TRPM2: variants seen among roughly 807,000 people sequenced by gnomAD.
TRPM2 encodes estrogen-responsive element-associated gene 1 protein.
A neutral mutation model predicts 174.0 loss-of-function variants in TRPM2; 161 were observed. That is an observed-to-expected ratio of 0.93 (90% CI 0.81 to 1.05). The LOEUF is 1.05. Among genes scored for constraint, TRPM2 ranks in the 50% least tolerant of loss-of-function variants. The pLI is 0.00. For missense variants in TRPM2, 2,057 were observed against 2,038.0 expected, an observed-to-expected ratio of 1.01 and a Z score of -0.18; for synonymous variants, 954 against 861.3, an observed-to-expected ratio of 1.11 and a Z score of -1.88.
At chr21:44,433,331 C>T (rs2051100775) in intron 27 of TRPM2, among the ~76,000 whole-genome samples, 1 of 152,234 alleles carries the variant, frequency 6.6e-6, no homozygotes, top group African/African-American at 2.4e-5. Context: ...TTGACCAATG[C>T]ACTGCACTCA....
At chr21:44,387,187 A>C (rs1465919550) in intron 9 of TRPM2, among the ~76,000 whole-genome samples, 3 of 152,216 alleles carry the variant, frequency 2.0e-5, no homozygotes, top group Non-Finnish European at 2.9e-5. Flanking sequence ...CCCTGTCTCA[A>C]AAAAATCCCA....
At position 44,375,947 on chromosome 21, in the gene TRPM2, G is replaced by C. The variant is rs559271467; in HGVS notation, c.886G>C (p.Gly296Arg). 3.1e-6 allele frequency: 5 copies of C among 1,614,090 alleles called. No homozygotes were observed. The highest frequency in any genetic ancestry group is 4.2e-6 in the Non-Finnish European group (5 of 1,180,002). ...GGACGACGGGACCCACGGCCAGTAC[G>C]GGGTGGAGATTCCTCTGAGGACCAG... ...LVDDGTHGQYGVEIPLRTRLE... is the reference protein window; with the variant it reads ...LVDDGTHGQYRVEIPLRTRLE... The change falls in exon 6 of 32, where the codon GGG (glycine) becomes CGG (arginine). Residue 296 changes from glycine to arginine, a missense_variant. Physicochemically the swap from Gly to Arg is moderately radical, Grantham distance 125. Transcript: ENST00000397928.
intron 22 of TRPM2, chr21:44,422,191 T>A: frequency 6.8e-7 from 1 of 1,475,654 alleles, no homozygotes; most frequent in Non-Finnish European, 9.0e-7. Context: ...GCTGGGCACC[T>A]GGGAGGCGCA....
rs570071039 is a variant in TRPM2 at position 44,354,039 on chromosome 21, G to A, written c.165+174G>A. On this transcript the variant is annotated intron_variant, in intron 1 of 31. Coordinates refer to ENST00000397928, the MANE Select transcript of TRPM2 (RefSeq NM_003307.4). This position sits in a 1 kb window ranked among gnomAD's most constrained non-coding sequence, Gnocchi z 4.3. ...AACTGGGGAGGGTGATGCGTGTCTC[G>A]TCTTCTGTGGGTTGCATGACCATTT... Among the ~76,000 whole-genome samples, 6 of 152,244 alleles carry A rather than the reference G, an allele frequency of 3.9e-5. No individual in the cohort carries two copies. Among genetic ancestry groups the A allele is most frequent in the South Asian group, 2.1e-4 (1 of 4,830 alleles).
At chr21:44,358,111 G>A (rs955204186) in intron 2 of TRPM2, among the ~76,000 whole-genome samples, 3 of 152,200 alleles carry the variant, frequency 2.0e-5, no homozygotes, top group South Asian at 4.1e-4. Flanking sequence ...CAGACCTGGA[G>A]CCCCTCGACA....
At chr21:44,382,905 T>C (rs1189417962) in intron 9 of TRPM2, 85 bp downstream of exon 9, 7 of 1,333,682 alleles carry the variant, frequency 5.2e-6, no homozygotes, top group Non-Finnish European at 6.3e-6. Context: ...TGAAGTGCCA[T>C]GATTCTGGGA....
rs993798723 is a variant in TRPM2 at position 44,367,588 on chromosome 21, G to A, written c.604+654G>A. On this transcript the variant is annotated intron_variant, in intron 4 of 31. Coordinates refer to ENST00000397928, the MANE Select transcript of TRPM2 (RefSeq NM_003307.4). The surrounding 1 kb of genome is among the most constrained non-coding windows in gnomAD (Gnocchi z 4.6). ...CCCCACCCTAATTCCATGGGGAGGG[G>A]GCCCCAAGTCCTCAAGGCTCCCTGG... Among the ~76,000 whole-genome samples, 3 of 152,178 alleles carry A rather than the reference G, an allele frequency of 2.0e-5. No individual in the cohort carries two copies. Among genetic ancestry groups the A allele is most frequent in the African/African-American group, 7.2e-5 (3 of 41,448 alleles).
rs771461544 is a variant in TRPM2, at chr21:44,432,827, T to C, written c.3975-2304T>C. On this transcript the variant is annotated intron_variant, in intron 27 of 31. Transcript: ENST00000397928. This position sits in a 1 kb window ranked among gnomAD's most constrained non-coding sequence, Gnocchi z 4.9. ...TTCTGGAGCTGAGTGGATGAGTGAA[T>C]GAACGTGTGATTGCTGTAGCCAGAC... Among the ~76,000 whole-genome samples the C allele has an allele frequency of 1.3e-5, 2 of 152,208 alleles. No homozygotes were observed. Among genetic ancestry groups the C allele is most frequent in the African/African-American group, 2.4e-5 (1 of 41,446 alleles).
chr21:44,430,478 G>A lies in TRPM2; in HGVS notation c.3974+3367G>A, dbSNP rs2050982284. ...CGCTCTGTCGCCCAGGCCAGACTGC[G>A]GACTGCAGTGGCGCAATCTCGGCTC... On this transcript the variant is annotated intron_variant, in intron 27 of 31. Coordinates refer to ENST00000397928, the MANE Select transcript of TRPM2 (RefSeq NM_003307.4). 5.4e-4 allele frequency among the ~76,000 whole-genome samples: 4 copies of A among 7,434 alleles called. 2 individuals carry two copies. The South Asian group carries it at 0.014, about 27-fold the overall frequency. The allele number at this position is 7,434 out of a possible 152,430, so 4.9% of individuals were successfully genotyped here.
rs893779432 is a variant in TRPM2 at position 44,366,036 on chromosome 21, G to T, written c.424-718G>T. Among the ~76,000 whole-genome samples, 1 of 152,222 alleles carries T rather than the reference G, an allele frequency of 6.6e-6. No homozygotes were observed. Among genetic ancestry groups the T allele is most frequent in the South Asian group, 2.1e-4 (1 of 4,832 alleles). On this transcript the variant is annotated intron_variant, in intron 3 of 31. Coordinates refer to ENST00000397928, the MANE Select transcript of TRPM2 (RefSeq NM_003307.4). This position sits in a 1 kb window ranked among gnomAD's most constrained non-coding sequence, Gnocchi z 6.0. Reference sequence around the variant, plus strand: ...TTTGTGTCTCTGCTAGGCCAATCCCGGCGGAGATTGCAGACCCCGCTGGGT... The same window carrying T: ...TTTGTGTCTCTGCTAGGCCAATCCCTGCGGAGATTGCAGACCCCGCTGGGT...
rs45511897 is a variant in TRPM2, at chr21:44,382,546, T to C, written c.1216-172T>C. ...ACGAACATGATGTATTTGGTCCCCA[T>C]GGATCTTCATCTGCACCATCTAGGG... On this transcript the variant is annotated intron_variant, in intron 8 of 31. Coordinates refer to ENST00000397928, the MANE Select transcript of TRPM2 (RefSeq NM_003307.4). 9.6e-3 allele frequency among the ~76,000 whole-genome samples: 1,463 copies of C among 152,282 alleles called. 20 individuals carry two copies. The highest frequency in any genetic ancestry group is 0.033 in the African/African-American group (1,381 of 41,542).
chr21:44,440,574 A>G (rs1012696617), intron 30 of TRPM2, among the ~76,000 whole-genome samples: 6 of 152,228 alleles, frequency 3.9e-5, no homozygotes, highest in African/African-American at 1.4e-4. Flanking sequence ...AGATCTCTGC[A>G]GGGCAAGGAC....
At position 44,433,643 on chromosome 21, in the gene TRPM2, G is replaced by A. The variant is rs572707065; in HGVS notation, c.3975-1488G>A. ...GTCCCCAAGCCTTGCTGCATGTGTT[G>A]CCAGCTCTGTAGCTGGGTGGGGCCG... On this transcript the variant is annotated intron_variant, in intron 27 of 31. Transcript: ENST00000397928. Among the ~76,000 whole-genome samples the A allele has an allele frequency of 7.2e-5, 11 of 152,308 alleles. No homozygotes were observed. In the East Asian group the frequency reaches 2.1e-3, roughly 29 times the overall value.
chr21:44,403,949 T>C (rs1426429320), intron 16 of TRPM2, among the ~76,000 whole-genome samples: 1 of 72,176 alleles, frequency 1.4e-5, no homozygotes, highest in East Asian at 4.9e-4. Flanking sequence ...CACATACACA[T>C]ATGCACACAT....
At chr21:44,386,692 G>A (rs1417797619) in intron 9 of TRPM2, among the ~76,000 whole-genome samples, 2 of 150,482 alleles carry the variant, frequency 1.3e-5, no homozygotes, top group African/African-American at 2.5e-5. Context: ...CAGATCCAAT[G>A]CAATTCCTAT....
rs992503967 is a variant in TRPM2 at position 44,438,254 on chromosome 21, C to T, written c.4168-813C>T. Among the ~76,000 whole-genome samples the T allele has an allele frequency of 1.3e-5, 2 of 152,222 alleles. No individual in the cohort carries two copies. Among genetic ancestry groups the T allele is most frequent in the African/African-American group, 2.4e-5 (1 of 41,458 alleles). On this transcript the variant is annotated intron_variant, in intron 29 of 31. Coordinates refer to ENST00000397928, the MANE Select transcript of TRPM2 (RefSeq NM_003307.4). This position sits in a 1 kb window ranked among gnomAD's most constrained non-coding sequence, Gnocchi z 5.9. ...ACCCAGTAGCTTCTCTGCCTGTGCA[C>T]ACCTGGCCCTGGAACACGAGTCACC...
At chr21:44,352,433 C>T (rs1164811773), upstream of TRPM2, among the ~76,000 whole-genome samples, 1 of 152,236 alleles carries the variant, frequency 6.6e-6, no homozygotes, top group Admixed American at 6.5e-5. Flanking sequence ...GCTGCGTGGC[C>T]CCGAAGAGGG....
At chr21:44,405,060 A>G in intron 16 of TRPM2, 82 bp from the exon 17 acceptor site, 4 of 1,579,292 alleles carry the variant, frequency 2.5e-6, no homozygotes, top group South Asian at 1.1e-5. Context: ...TGATGATGAT[A>G]GTGGATAGTG....
intron 5 of TRPM2, among the ~76,000 whole-genome samples, chr21:44,371,019 C>T (rs2048524387): frequency 6.6e-6 from 1 of 152,262 alleles, no homozygotes; most frequent in African/African-American, 2.4e-5. Context: ...GTAACCCAGG[C>T]TCACAAACCT....
Sources: allele counts gnomAD v4.1 joint callset (sites outside exome capture counted in the v4.1 genomes callset), GRCh38; gene constraint gnomAD v4.1.1; non-coding constraint Gnocchi (gnomAD v3.1); transcripts MANE v1.5; gene names NCBI Gene and HGNC (gene_info 2026-07-23, HGNC 2026-07-21).